ANK2: variants seen among roughly 807,000 people sequenced by gnomAD.
ANK2 encodes the protein ankyrin-2.
A neutral mutation model predicts 360.5 loss-of-function variants in ANK2; 83 were observed. The observed-to-expected ratio is 0.23, with a 90% CI of 0.19 to 0.28. The LOEUF is 0.28. ANK2 is among the 10% of genes least tolerant of loss of function. The pLI is 1.00. For missense variants in ANK2, 4,201 were observed against 4,795.7 expected (o/e 0.88, Z 3.66); for synonymous variants, 1,740 against 1,759.5 (o/e 0.99, Z 0.28).
chr4:112,858,968 T>C (rs531777208), intron 1 of ANK2, among the ~76,000 whole-genome samples: 1 of 152,326 alleles, frequency 6.6e-6, no homozygotes, highest in South Asian at 2.1e-4. Flanking sequence ...ACCAAGTTCT[T>C]CTGTACCTAC....
In ANK2 at chr4:113,317,929, A is replaced by G. The variant is rs985526260; in HGVS notation, c.2796+120A>G. On this transcript the variant is annotated intron_variant, in intron 25 of 45. Transcript: ENST00000357077. ...CAAAATCATTCCCAATTCAGTTGAGAAGCTAGGATAAGAGATTTGAGGGTT... is the reference window on the plus strand; with the variant it reads ...CAAAATCATTCCCAATTCAGTTGAGGAGCTAGGATAAGAGATTTGAGGGTT... 18 of 829,636 alleles carry G rather than the reference A, an allele frequency of 2.2e-5. No homozygotes were observed. The African/African-American group carries it at 2.5e-4, about 12-fold the overall frequency. 51.4% of individuals were successfully genotyped at this position (829,636 alleles called of 1,614,324 possible).
chr4:113,157,365 G>A (rs1224542774), intron 1 of ANK2, among the ~76,000 whole-genome samples: 1 of 152,174 alleles, frequency 6.6e-6, no homozygotes, highest in Non-Finnish European at 1.5e-5. Flanking sequence ...AGGGACAAAT[G>A]TTGTCTTTGA....
chr4:112,813,163 G>A (rs1346011846), upstream of ANK2, among the ~76,000 whole-genome samples: 11 of 151,602 alleles, frequency 7.3e-5, no homozygotes, highest in East Asian at 5.8e-4. Context: ...GCTTGAACCC[G>A]GGAGGTAGAG....
chr4:112,726,687 T>C, the ANK2 span, among the ~76,000 whole-genome samples: 1 of 151,744 alleles, frequency 6.6e-6, no homozygotes, highest in Non-Finnish European at 1.5e-5. Context: ...CCATCTCTAC[T>C]AAAAATACAA....
intron 2 of ANK2, among the ~76,000 whole-genome samples, chr4:112,921,120 C>T (rs1300713544): frequency 1.4e-5 from 2 of 141,724 alleles, no homozygotes; most frequent in Non-Finnish European, 3.1e-5. Flanking sequence ...GGTGCGATCT[C>T]GGCTCAAACA....
At chr4:113,009,925 T>TACACACACACACACACACACACACAC (rs3028929) in intron 2 of ANK2, among the ~76,000 whole-genome samples, 43 of 149,642 alleles carry the variant, frequency 2.9e-4, no homozygotes, top group African/African-American at 1.0e-3. Context: ...TTGTTGAGAG[T>TACACACACACACACACACACACACAC]ACACACACAC....
chr4:113,080,707 C>T (rs2082061165), intron 1 of ANK2, among the ~76,000 whole-genome samples: 1 of 152,174 alleles, frequency 6.6e-6, no homozygotes, highest in African/African-American at 2.4e-5. Flanking sequence ...GTTTTTCTAA[C>T]TCTGCCATGT....
intron 2 of ANK2, among the ~76,000 whole-genome samples, chr4:113,022,548 G>C (rs1374093275): frequency 6.6e-6 from 1 of 152,072 alleles, no homozygotes; most frequent in Non-Finnish European, 1.5e-5. Flanking sequence ...AGTGTACATG[G>C]AATTTTAGGG....
intron 2 of ANK2, among the ~76,000 whole-genome samples, chr4:112,977,569 T>A (rs1371991662): frequency 1.3e-5 from 2 of 151,650 alleles, no homozygotes; most frequent in African/African-American, 4.8e-5. Context: ...ATTTTTATTT[T>A]ATTTTTTTTT....
chr4:113,344,116 A>G (rs2094571083), intron 34 of ANK2, among the ~76,000 whole-genome samples: 1 of 152,210 alleles, frequency 6.6e-6, no homozygotes, highest in African/African-American at 2.4e-5. Flanking sequence ...CACATTAAGC[A>G]GTAACTGCTC....
At chr4:112,957,034 A>G (rs954718283) in intron 2 of ANK2, among the ~76,000 whole-genome samples, 1 of 79,236 alleles carries the variant, frequency 1.3e-5, no homozygotes, top group Admixed American at 1.3e-4. Context: ...TTTTTTTTTA[A>G]TTGATCATTC....
At chr4:113,029,582 T>C (rs749038335) in intron 2 of ANK2, among the ~76,000 whole-genome samples, 2 of 152,060 alleles carry the variant, frequency 1.3e-5, no homozygotes, top group Non-Finnish European at 2.9e-5. Flanking sequence ...GGAGTTCTTC[T>C]TTAGAAAATG....
chr4:112,745,808 C>G, the ANK2 span, among the ~76,000 whole-genome samples: 1,694 of 152,242 alleles, frequency 0.011, 43 homozygotes, highest in African/African-American at 0.037. Context: ...GTTGGGATTA[C>G]AGGTGTGAGC....
At chr4:113,178,706 C>G (rs984005925) in intron 2 of ANK2, among the ~76,000 whole-genome samples, 9 of 152,076 alleles carry the variant, frequency 5.9e-5, no homozygotes, top group Non-Finnish European at 8.8e-5. Flanking sequence ...ACCTGCTTAG[C>G]TACTGTGTAT....
intron 30 of ANK2, 152 bp downstream of exon 30, chr4:113,336,209 T>G: frequency 3.7e-6 from 3 of 810,868 alleles, no homozygotes; most frequent in Non-Finnish European, 5.8e-6. Flanking sequence ...CCATATTTAT[T>G]GGTTACTAAT....
At chr4:112,725,154 C>T in the ANK2 span, among the ~76,000 whole-genome samples, 13 of 150,918 alleles carry the variant, frequency 8.6e-5, no homozygotes, top group Non-Finnish European at 1.8e-4. Flanking sequence ...TGGTGGCGGG[C>T]GCCTGTAGTT....
At chr4:113,365,698 T>C (rs2096499982) in intron 41 of ANK2, among the ~76,000 whole-genome samples, 1 of 151,934 alleles carries the variant, frequency 6.6e-6, no homozygotes, top group African/African-American at 2.4e-5. Context: ...CTCTTATCTC[T>C]ATTTTACATG....
intron 2 of ANK2, among the ~76,000 whole-genome samples, chr4:113,043,379 C>T (rs910516793): frequency 7.2e-5 from 11 of 151,918 alleles, no homozygotes; most frequent in Non-Finnish European, 1.5e-4. Flanking sequence ...GGAGAGCAGT[C>T]CCCAGGCCCA....
At chr4:113,293,036 C>T (rs993458939) in intron 21 of ANK2, 13 of 364,700 alleles carry the variant, frequency 3.6e-5, no homozygotes, top group Non-Finnish European at 6.4e-5. Context: ...TACCGTGTTC[C>T]CGATGGTAAC....
Sources: allele counts gnomAD v4.1 joint callset (sites outside exome capture counted in the v4.1 genomes callset), GRCh38; gene constraint gnomAD v4.1.1; transcripts MANE v1.5; gene names NCBI Gene and HGNC (gene_info 2026-07-23, HGNC 2026-07-21).